The following GIGYF2 variants were observed in gnomAD, a reference collection of about 807,000 sequenced individuals.
The protein encoded by GIGYF2 is GRB10-interacting GYF protein 2.
In GIGYF2, 25 loss-of-function variants were observed where a neutral mutation model predicts 208.1. That is an observed-to-expected ratio of 0.12 (90% CI 0.09 to 0.17). GIGYF2 has a LOEUF of 0.17. GIGYF2 is among the 10% of genes least tolerant of loss of function. GIGYF2 has a pLI of 1.00. For synonymous variants in GIGYF2, 534 were observed against 543.8 expected, an observed-to-expected ratio of 0.98 and a Z score of 0.25; for missense variants, 1,302 against 1,579.4, an observed-to-expected ratio of 0.82 and a Z score of 2.98.
intron 18 of GIGYF2, among the ~76,000 whole-genome samples, chr2:232,815,250 A>G (rs1381098816): frequency 1.3e-5 from 2 of 152,176 alleles, no homozygotes; most frequent in African/African-American, 4.8e-5. Flanking sequence ...CTGGAAATCT[A>G]TGTGCTTTGG....
intron 2 of GIGYF2, among the ~76,000 whole-genome samples, chr2:232,707,662 G>A (rs923470998): frequency 7.1e-6 from 1 of 141,586 alleles, no homozygotes; most frequent in African/African-American, 2.7e-5. Context: ...TTTTGAGACA[G>A]AGTTTCGCTC....
intron 6 of GIGYF2, 112 bp from the exon 7 acceptor site, chr2:232,760,368 G>C: frequency 1.3e-6 from 1 of 745,378 alleles, no homozygotes; most frequent in Admixed American, 2.0e-5. Flanking sequence ...GTATTTAAAT[G>C]TAGATGTCCT....
intron 21 of GIGYF2, among the ~76,000 whole-genome samples, chr2:232,824,124 C>G (rs1047961384): frequency 1.3e-5 from 2 of 152,190 alleles, no homozygotes; most frequent in Non-Finnish European, 2.9e-5. Flanking sequence ...GTCTCTCTTC[C>G]TCTCCTTCGA....
At chr2:232,836,565 CAAAA>C (rs554171454) in intron 22 of GIGYF2, among the ~76,000 whole-genome samples, 4 of 55,868 alleles carry the variant, frequency 7.2e-5, no homozygotes, top group Admixed American at 2.1e-4. Flanking sequence ...GACCCTGTCT[CAAAA>C]AAAAAAAAAA....
In GIGYF2 at chr2:232,770,958, G is replaced by A. The variant is rs772329921; in HGVS notation, c.532+9522G>A. 9.3e-6 allele frequency: 15 copies of A among 1,613,892 alleles called. No individual in the cohort carries two copies. The highest frequency in any genetic ancestry group is 4.5e-5 in the East Asian group (2 of 44,880). ...GGAGCATTTGTATGGCAAGTAAGGC[G>A]ATTGCACTTGGACAGTCACCACTGG... On this transcript the variant is annotated intron_variant, in intron 8 of 28. Coordinates refer to ENST00000373563, the MANE Select transcript of GIGYF2 (RefSeq NM_001103146.3).
intron 8 of GIGYF2, chr2:232,776,376 A>G (rs1368281775): frequency 8.4e-7 from 1 of 1,196,156 alleles, no homozygotes; most frequent in Non-Finnish European, 1.2e-6. Context: ...CTCTGTTGCT[A>G]TTTGCCAGTC....
At chr2:232,825,742 C>T (rs1020276793) in intron 21 of GIGYF2, among the ~76,000 whole-genome samples, 1 of 151,928 alleles carries the variant, frequency 6.6e-6, no homozygotes, top group Non-Finnish European at 1.5e-5. Context: ...TTCTAGGGTA[C>T]ATGTGCACAG....
At chr2:232,714,093 G>A (rs1208123741) in intron 2 of GIGYF2, among the ~76,000 whole-genome samples, 2 of 152,020 alleles carry the variant, frequency 1.3e-5, no homozygotes, top group Non-Finnish European at 2.9e-5. Flanking sequence ...GGGACTACAG[G>A]CACCCACCAC....
chr2:232,706,965 A>T (rs1175117654), intron 2 of GIGYF2, among the ~76,000 whole-genome samples: 1 of 123,876 alleles, frequency 8.1e-6, no homozygotes, highest in Non-Finnish European at 1.7e-5. Flanking sequence ...AAAAAAAAAA[A>T]ATTTTTTTTT....
chr2:232,795,930 C>T (rs1292039644), intron 13 of GIGYF2, 132 bp from the exon 14 acceptor site: 4 of 705,632 alleles, frequency 5.7e-6, no homozygotes, highest in African/African-American at 3.5e-5. Flanking sequence ...GGAGAAGTTA[C>T]CTGCTATGTT....
At chr2:232,775,354 G>T (rs1699467002) in intron 8 of GIGYF2, among the ~76,000 whole-genome samples, 1 of 152,068 alleles carries the variant, frequency 6.6e-6, no homozygotes, top group African/African-American at 2.4e-5. Flanking sequence ...AAAAAAGAGG[G>T]AATTATGATA....
At chr2:232,769,127 TA>T (rs560833471) in intron 8 of GIGYF2, among the ~76,000 whole-genome samples, 2 of 152,006 alleles carry the variant, frequency 1.3e-5, no homozygotes, top group East Asian at 1.9e-4. Context: ...TGCCTGTGCT[TA>T]AAAAAAAGTA....
chr2:232,830,516 T>C (rs1701397573), intron 21 of GIGYF2, among the ~76,000 whole-genome samples: 1 of 152,208 alleles, frequency 6.6e-6, no homozygotes, highest in Admixed American at 6.5e-5. Context: ...AGAGCTTCCA[T>C]ATTTCCCCTT....
intron 9 of GIGYF2, among the ~76,000 whole-genome samples, chr2:232,790,255 CAAT>C (rs1445082601): frequency 6.6e-6 from 1 of 151,998 alleles, no homozygotes; most frequent in African/African-American, 2.4e-5. Flanking sequence ...TATCCACAAA[CAAT>C]GATATTTTCA....
At chr2:232,817,748 C>T (rs540989137) in intron 20 of GIGYF2, among the ~76,000 whole-genome samples, 1 of 152,234 alleles carries the variant, frequency 6.6e-6, no homozygotes, top group South Asian at 2.1e-4. Context: ...GTGTGTTTAT[C>T]CATTCCTATT....
intron 15 of GIGYF2, among the ~76,000 whole-genome samples, chr2:232,807,102 C>G (rs1700584318): frequency 1.3e-5 from 2 of 152,222 alleles, no homozygotes; most frequent in Admixed American, 6.5e-5. Context: ...TCTTCCACTT[C>G]ATTTGCCTCT....
At chr2:232,851,065 C>T (rs1398162066) in intron 28 of GIGYF2, among the ~76,000 whole-genome samples, 3 of 152,152 alleles carry the variant, frequency 2.0e-5, no homozygotes, top group East Asian at 1.9e-4. Flanking sequence ...AGGCTGGGCA[C>T]GGTGGCTCAC....
At chr2:232,706,183 T>C (rs935014344) in intron 2 of GIGYF2, among the ~76,000 whole-genome samples, 1 of 152,250 alleles carries the variant, frequency 6.6e-6, no homozygotes, top group Non-Finnish European at 1.5e-5. Context: ...ATGTGACTTA[T>C]GTTACTTTTT....
intron 21 of GIGYF2, among the ~76,000 whole-genome samples, chr2:232,822,643 A>T (rs1449637775): frequency 6.6e-6 from 1 of 151,890 alleles, no homozygotes; most frequent in Non-Finnish European, 1.5e-5. Flanking sequence ...GCACCCCTGC[A>T]TTCCAGCCTG....
Sources: allele counts gnomAD v4.1 joint callset (sites outside exome capture counted in the v4.1 genomes callset), GRCh38; gene constraint gnomAD v4.1.1; transcripts MANE v1.5; gene names NCBI Gene and HGNC (gene_info 2026-07-23, HGNC 2026-07-21).